CSMD1: variants seen among roughly 807,000 people sequenced by gnomAD.
The protein encoded by CSMD1 is CUB and Sushi multiple domains 1.
A neutral mutation model predicts 417.5 loss-of-function variants in CSMD1; 213 were observed. The observed-to-expected ratio is 0.51, with a 90% CI of 0.46 to 0.57. The LOEUF is 0.57. Among genes scored for constraint, CSMD1 ranks in the 20% least tolerant of loss-of-function variants. The pLI is 0.00. For missense variants in CSMD1, 6,923 were observed against 4,529.7 expected (o/e 1.53, Z -15.17); for synonymous variants, 2,862 against 1,736.8 (o/e 1.65, Z -16.11).
intron 7 of CSMD1, among the ~76,000 whole-genome samples, chr8:3,648,954 T>C (rs1395983923): frequency 6.6e-6 from 1 of 152,140 alleles, no homozygotes; most frequent in Non-Finnish European, 1.5e-5. Context: ...GAACCCGTAA[T>C]GTACCCAGCC....
At chr8:3,464,933 C>T (rs955542589) in intron 12 of CSMD1, among the ~76,000 whole-genome samples, 7 of 152,060 alleles carry the variant, frequency 4.6e-5, no homozygotes, top group African/African-American at 9.7e-5. Context: ...TTTTTTTCCC[C>T]ATAATTTGCT....
intron 3 of CSMD1, among the ~76,000 whole-genome samples, chr8:4,174,639 G>T (rs976699439): frequency 6.9e-6 from 1 of 145,946 alleles, no homozygotes; most frequent in Non-Finnish European, 1.5e-5. Flanking sequence ...TAAGACCTGG[G>T]AATGTAGGAA....
At chr8:4,676,443 G>C (rs1805686966) in intron 1 of CSMD1, among the ~76,000 whole-genome samples, 1 of 152,048 alleles carries the variant, frequency 6.6e-6, no homozygotes, top group Non-Finnish European at 1.5e-5. Flanking sequence ...AGCTGCTGGA[G>C]TATGTCTTCA....
chr8:3,942,845 A>C (rs1335892759), intron 5 of CSMD1, among the ~76,000 whole-genome samples: 2 of 152,198 alleles, frequency 1.3e-5, no homozygotes, highest in Non-Finnish European at 2.9e-5. Context: ...GAGCTATAGT[A>C]TCGTCCCACA....
intron 26 of CSMD1, among the ~76,000 whole-genome samples, chr8:3,258,235 C>G (rs1314218541): frequency 6.6e-6 from 1 of 152,060 alleles, no homozygotes. Flanking sequence ...CTATAAGGAA[C>G]TTGGACAAAT....
intron 1 of CSMD1, among the ~76,000 whole-genome samples, chr8:4,771,381 T>C (rs150911304): frequency 8.3e-4 from 126 of 152,358 alleles, no homozygotes; most frequent in African/African-American, 2.9e-3. Context: ...TCAGGGAAAT[T>C]GCATTGCTAC....
chr8:4,031,825 G>C lies in CSMD1; in HGVS notation c.610+80C>G, dbSNP rs370215501. On this transcript the variant is annotated intron_variant, in intron 4 of 69. Transcript: ENST00000635120. ...CTCAACATGTATTATTTTCATTTAA[G>C]TGGAAACTTTCATAAAAGCATCTCC... is the stretch of plus-strand genomic sequence containing the variant. 7 of 1,095,000 alleles carry C rather than the reference G, an allele frequency of 6.4e-6. No individual in the cohort carries two copies. The African/African-American group carries it at 7.9e-5, about 12-fold the overall frequency. 67.8% of individuals were successfully genotyped at this position (1,095,000 alleles called of 1,614,324 possible).
At chr8:4,841,911 C>CAAACAAAACAAAAAAAAAAA (rs779855887) in intron 1 of CSMD1, among the ~76,000 whole-genome samples, 4 of 34,842 alleles carry the variant, frequency 1.1e-4, no homozygotes, top group African/African-American at 5.2e-4. Context: ...AACTCCGTCT[C>CAAACAAAACAAAAAAAAAAA]AAAAAAAAAA....
chr8:4,497,685 A>T (rs1172977997), intron 2 of CSMD1, among the ~76,000 whole-genome samples: 1 of 152,186 alleles, frequency 6.6e-6, no homozygotes, highest in African/African-American at 2.4e-5. Flanking sequence ...AATTAAAGGG[A>T]AGGCAGAGCA....
intron 10 of CSMD1, among the ~76,000 whole-genome samples, chr8:3,504,532 G>C (rs541564938): frequency 5.3e-5 from 8 of 152,252 alleles, no homozygotes; most frequent in African/African-American, 1.9e-4. Flanking sequence ...ACCTTGTCAT[G>C]TCTGCCAGAC....
rs148067651 is a variant in CSMD1, at chr8:3,932,689, T to C, written c.818+65214A>G. On this transcript the variant is annotated intron_variant, in intron 5 of 69. Transcript: ENST00000635120. ...AAGCCGGTCCAATAAACTCATAAGATCGTAATTCATTGTGGTGGACTCTAA... is the reference window on the plus strand; with the variant it reads ...AAGCCGGTCCAATAAACTCATAAGACCGTAATTCATTGTGGTGGACTCTAA... 1.8e-4 allele frequency among the ~76,000 whole-genome samples: 27 copies of C among 150,626 alleles called. 3 individuals carry two copies. Among genetic ancestry groups the C allele is most frequent in the Middle Eastern group, 3.4e-3 (1 of 294 alleles).
intron 6 of CSMD1, among the ~76,000 whole-genome samples, chr8:3,715,140 T>G (rs900830278): frequency 7.2e-5 from 11 of 152,318 alleles, no homozygotes; most frequent in African/African-American, 2.6e-4. Context: ...TCAGATCACC[T>G]TATATTTTAA....
At chr8:4,790,763 G>C (rs1004514901) in intron 1 of CSMD1, among the ~76,000 whole-genome samples, 5 of 152,186 alleles carry the variant, frequency 3.3e-5, no homozygotes, top group Non-Finnish European at 7.3e-5. Context: ...ATGGTGCTAA[G>C]ATAAATGGCT....
chr8:3,628,053 A>G (rs1796583059), intron 7 of CSMD1, among the ~76,000 whole-genome samples: 1 of 152,244 alleles, frequency 6.6e-6, no homozygotes, highest in African/African-American at 2.4e-5. Context: ...GCAGATTAAA[A>G]AACAGAACGT....
chr8:3,229,497 T>C (rs1798704589), intron 27 of CSMD1, among the ~76,000 whole-genome samples: 2 of 152,226 alleles, frequency 1.3e-5, no homozygotes, highest in African/African-American at 4.8e-5. Context: ...AAATCATTTG[T>C]TATCCTTTTA....
intron 1 of CSMD1, among the ~76,000 whole-genome samples, chr8:4,660,114 C>CAAAAAAAA (rs33982434): frequency 8.1e-6 from 1 of 122,856 alleles, no homozygotes; most frequent in Non-Finnish European, 1.8e-5. Flanking sequence ...TCAACCAGTG[C>CAAAAAAAA]AAAAAAAAAA....
At chr8:3,264,963 C>G (rs1801329200) in intron 26 of CSMD1, among the ~76,000 whole-genome samples, 1 of 152,074 alleles carries the variant, frequency 6.6e-6, no homozygotes, top group Non-Finnish European at 1.5e-5. Context: ...ATGAATGCTG[C>G]TAAGTATATT....
At chr8:4,428,322 C>T (rs898020075) in intron 2 of CSMD1, among the ~76,000 whole-genome samples, 1 of 152,186 alleles carries the variant, frequency 6.6e-6, no homozygotes, top group Non-Finnish European at 1.5e-5. Flanking sequence ...CGAGTCCCAA[C>T]ACCTTTCTCT....
At chr8:3,628,390 C>T (rs4875762) in intron 7 of CSMD1, among the ~76,000 whole-genome samples, 57,032 of 152,140 alleles carry the variant, frequency 0.37, 10,844 homozygotes, top group Middle Eastern at 0.47. Flanking sequence ...AGCACAGGCC[C>T]GTAGTCATGG....
Sources: gnomAD v4.1 joint callset for allele counts (sites outside exome capture counted in the v4.1 genomes callset) on GRCh38, gnomAD v4.1.1 for gene constraint, MANE v1.5 for transcripts, NCBI Gene and HGNC (gene_info 2026-07-23, HGNC 2026-07-21) for gene names.